LARGE1: variants seen among roughly 807,000 people sequenced by gnomAD.
LARGE1 encodes the protein LARGE xylosyl- and glucuronyltransferase 1.
LARGE1 carries 43 observed loss-of-function variants against 87.6 expected under a neutral mutation model. That is an observed-to-expected ratio of 0.49 (90% CI 0.38 to 0.63). The LOEUF (loss-of-function observed/expected upper bound fraction) is 0.63, where lower values mean the gene tolerates loss of function less well. Among genes scored for constraint, LARGE1 ranks in the 30% least tolerant of loss-of-function variants. The probability of loss-of-function intolerance (pLI) is 0.00; values close to 1 mark genes in which losing one functional copy is unlikely to be tolerated. For missense variants in LARGE1, 802 were observed against 1,000.2 expected, an observed-to-expected ratio of 0.80 and a Z score of 2.67; for synonymous variants, 434 against 394.6, an observed-to-expected ratio of 1.10 and a Z score of -1.18.
chr22:33,641,934 TG>T (rs1172979653), intron 3 of LARGE1, among the ~76,000 whole-genome samples: 14 of 152,010 alleles, frequency 9.2e-5, no homozygotes, highest in Middle Eastern at 3.4e-3. Flanking sequence ...ACCGAGAGAA[TG>T]GAACCAAGTT....
intron 2 of LARGE1, among the ~76,000 whole-genome samples, chr22:33,723,555 G>A (rs141647487): frequency 3.2e-4 from 48 of 152,262 alleles, no homozygotes; most frequent in Middle Eastern, 3.4e-3. Flanking sequence ...GATATCAGGC[G>A]GATTTGGGTA....
intron 1 of LARGE1, among the ~76,000 whole-genome samples, chr22:33,868,927 C>A (rs932432339): frequency 2.0e-5 from 3 of 152,096 alleles, no homozygotes; most frequent in Non-Finnish European, 2.9e-5. Context: ...AGTACTTCAA[C>A]AGAATTCTAA....
chr22:33,324,038 C>A (rs1266896804), intron 10 of LARGE1, among the ~76,000 whole-genome samples: 5 of 151,854 alleles, frequency 3.3e-5, no homozygotes, highest in Admixed American at 1.3e-4. Context: ...TCGAGACCAG[C>A]CTGGCCAACG....
At chr22:33,071,119 C>T in the LARGE1 span, among the ~76,000 whole-genome samples, 5 of 152,222 alleles carry the variant, frequency 3.3e-5, no homozygotes, top group Non-Finnish European at 7.3e-5. Flanking sequence ...TGGTATCATG[C>T]AGCCTCTGAC....
chr22:33,878,526 C>T (rs1161751980), intron 1 of LARGE1, among the ~76,000 whole-genome samples: 2 of 152,060 alleles, frequency 1.3e-5, no homozygotes, highest in Admixed American at 1.3e-4. Flanking sequence ...ATTTTCAATC[C>T]CAGCTCTTCA....
chr22:33,586,681 T>C (rs939853727), intron 5 of LARGE1, among the ~76,000 whole-genome samples: 3 of 152,112 alleles, frequency 2.0e-5, no homozygotes, highest in Admixed American at 1.3e-4. Flanking sequence ...ATGGTCTCGA[T>C]CTCCTGACCT....
intron 2 of LARGE1, among the ~76,000 whole-genome samples, chr22:33,757,268 C>G (rs1356972681): frequency 6.6e-6 from 1 of 152,214 alleles, no homozygotes. Flanking sequence ...CTTCCATGCT[C>G]AGGAGCAAAT....
At chr22:33,212,995 G>A (rs1176616790) in intron 11 of LARGE1, among the ~76,000 whole-genome samples, 1 of 151,212 alleles carries the variant, frequency 6.6e-6, no homozygotes, top group African/African-American at 2.4e-5. Flanking sequence ...TCCAGCCTGG[G>A]TGACAGAGCA....
intron 5 of LARGE1, among the ~76,000 whole-genome samples, chr22:33,603,455 T>C (rs2079164250): frequency 6.6e-6 from 1 of 152,204 alleles, no homozygotes; most frequent in Non-Finnish European, 1.5e-5. Context: ...GCTCCTCTCC[T>C]CCTACCCCAT....
intron 6 of LARGE1, among the ~76,000 whole-genome samples, chr22:33,503,538 T>G (rs1243503636): frequency 1.3e-5 from 2 of 152,130 alleles, no homozygotes; most frequent in Non-Finnish European, 2.9e-5. Flanking sequence ...AGCAGCATTA[T>G]TCACAATAAT....
chr22:33,701,816 T>C (rs1055222891), intron 2 of LARGE1, among the ~76,000 whole-genome samples: 1 of 152,290 alleles, frequency 6.6e-6, no homozygotes, highest in Non-Finnish European at 1.5e-5. Flanking sequence ...ACAATGGATA[T>C]AGGGAAGCAA....
intron 2 of LARGE1, among the ~76,000 whole-genome samples, chr22:33,710,124 G>A (rs896146010): frequency 1.3e-5 from 2 of 151,732 alleles, no homozygotes; most frequent in African/African-American, 2.4e-5. Flanking sequence ...ACTACCCTGG[G>A]CACTTTCCAA....
At chr22:33,458,844 C>T (rs1046225751) in intron 6 of LARGE1, among the ~76,000 whole-genome samples, 1 of 152,086 alleles carries the variant, frequency 6.6e-6, no homozygotes, top group Non-Finnish European at 1.5e-5. Flanking sequence ...ATATGCTAAA[C>T]ACGAGAACAT....
chr22:33,777,097 A>G (rs921691561), intron 1 of LARGE1, among the ~76,000 whole-genome samples: 2 of 152,206 alleles, frequency 1.3e-5, no homozygotes, highest in African/African-American at 4.8e-5. Context: ...AAGATGGCAC[A>G]ATTTCAAAAG....
At chr22:33,411,512 A>C in intron 7 of LARGE1, among the ~76,000 whole-genome samples, 1 of 152,376 alleles carries the variant, frequency 6.6e-6, no homozygotes, top group Non-Finnish European at 1.5e-5. Flanking sequence ...ACATCTGTTT[A>C]ATTTAAAATT....
chr22:33,784,820 TAC>T (rs1458507866), intron 1 of LARGE1, among the ~76,000 whole-genome samples: 1 of 151,820 alleles, frequency 6.6e-6, no homozygotes, highest in Non-Finnish European at 1.5e-5. Flanking sequence ...CATATGTATA[TAC>T]ACATATATGT....
chr22:33,751,722 T>C (rs1162527904), intron 2 of LARGE1, among the ~76,000 whole-genome samples: 1 of 152,040 alleles, frequency 6.6e-6, no homozygotes, highest in East Asian at 1.9e-4. Flanking sequence ...CTGAGAGTAA[T>C]TTCATTTTCA....
intron 5 of LARGE1, among the ~76,000 whole-genome samples, chr22:33,565,947 C>T (rs1194388788): frequency 6.6e-6 from 1 of 152,128 alleles, no homozygotes; most frequent in Non-Finnish European, 1.5e-5. Flanking sequence ...GGCAGAGGCC[C>T]CAACCTAGCT....
At chr22:33,847,296 CACTG>C (rs1352574130) in intron 1 of LARGE1, among the ~76,000 whole-genome samples, 1 of 152,194 alleles carries the variant, frequency 6.6e-6, no homozygotes, top group African/African-American at 2.4e-5. Context: ...TGGATTAAAA[CACTG>C]ACTTTATTAG....
Sources: gnomAD v4.1 joint callset for allele counts (sites outside exome capture counted in the v4.1 genomes callset) on GRCh38, gnomAD v4.1.1 for gene constraint, MANE v1.5 for transcripts, NCBI Gene and HGNC (gene_info 2026-07-23, HGNC 2026-07-21) for gene names.